The following CYTH4 variants were observed in gnomAD, a reference collection of about 807,000 sequenced individuals.
CYTH4 encodes cytohesin 4.
In CYTH4, 22 loss-of-function variants were observed where a neutral mutation model predicts 57.5. That is an observed-to-expected ratio of 0.38 (90% CI 0.27 to 0.55). The LOEUF (loss-of-function observed/expected upper bound fraction) is 0.55, where lower values mean the gene tolerates loss of function less well. Among genes scored for constraint, CYTH4 ranks in the 20% least tolerant of loss-of-function variants. The probability of loss-of-function intolerance (pLI) is 0.74; values close to 1 mark genes in which losing one functional copy is unlikely to be tolerated. For missense variants in CYTH4, 420 were observed against 535.6 expected, an observed-to-expected ratio of 0.78 and a Z score of 2.13; for synonymous variants, 186 against 206.5, an observed-to-expected ratio of 0.90 and a Z score of 0.85.
chr22:37,288,260 A>C (rs1205054201), intron 1 of CYTH4, among the ~76,000 whole-genome samples: 3 of 152,020 alleles, frequency 2.0e-5, no homozygotes, highest in Non-Finnish European at 4.4e-5. Context: ...AAAAATACAG[A>C]GATTGGCTGG....
At chr22:37,303,189 AG>A in intron 7 of CYTH4, 64 bp from the exon 8 acceptor site, 1 of 1,587,222 alleles carries the variant, frequency 6.3e-7, no homozygotes. Context: ...GGGCCCTGGA[AG>A]GGGCCGGGAC....
At chr22:37,286,687 G>A (rs1256522013) in intron 1 of CYTH4, among the ~76,000 whole-genome samples, 1 of 152,156 alleles carries the variant, frequency 6.6e-6, no homozygotes, top group Non-Finnish European at 1.5e-5. Flanking sequence ...GTGGTGCAAA[G>A]GCTTTTGGAA....
At chr22:37,313,312 C>G in intron 12 of CYTH4, 127 bp from the exon 13 acceptor site, 2 of 904,374 alleles carry the variant, frequency 2.2e-6, no homozygotes, top group Non-Finnish European at 3.5e-6. Context: ...GGCCATCTGG[C>G]CTTTCCCCCG....
intron 1 of CYTH4, among the ~76,000 whole-genome samples, chr22:37,285,621 G>T (rs1427618147): frequency 6.6e-6 from 1 of 152,050 alleles, no homozygotes; most frequent in African/African-American, 2.4e-5. Context: ...TGAGGCAGGA[G>T]AATCACTTGA....
intron 1 of CYTH4, among the ~76,000 whole-genome samples, chr22:37,285,270 T>A (rs2145852239): frequency 6.6e-6 from 1 of 152,102 alleles, no homozygotes; most frequent in Admixed American, 6.5e-5. Flanking sequence ...AGCACCAGCC[T>A]GTGGGCTTGG....
chr22:37,308,834 A>G (rs144076579), intron 8 of CYTH4, among the ~76,000 whole-genome samples: 12 of 151,726 alleles, frequency 7.9e-5, no homozygotes, highest in East Asian at 3.9e-4. Flanking sequence ...ATGCATTTAT[A>G]TAAGTGTGCC....
At chr22:37,310,797 T>C (rs1376206356) in intron 9 of CYTH4, among the ~76,000 whole-genome samples, 191 bp from the exon 10 acceptor site, 1 of 152,054 alleles carries the variant, frequency 6.6e-6, no homozygotes, top group Admixed American at 6.5e-5. Flanking sequence ...CAGGGAAGCC[T>C]GGGGATTACA....
chr22:37,296,146 G>A (rs1390930672), intron 4 of CYTH4, 81 bp downstream of exon 4: 32 of 1,384,008 alleles, frequency 2.3e-5, no homozygotes, highest in African/African-American at 4.3e-5. Context: ...CGCTCCCCTC[G>A]GCTGACACGA....
At chr22:37,309,358 C>T (rs1470087078) in intron 9 of CYTH4, 35 bp downstream of exon 9, 3 of 1,579,368 alleles carry the variant, frequency 1.9e-6, no homozygotes, top group Non-Finnish European at 2.6e-6. Flanking sequence ...GTCGCACACA[C>T]ACTCATGCAC....
At chr22:37,312,314 C>A (rs1039279723) in intron 12 of CYTH4, 140 bp downstream of exon 12, 59 of 1,227,888 alleles carry the variant, frequency 4.8e-5, no homozygotes, top group Admixed American at 9.8e-5. Context: ...CCCTTCCACC[C>A]GTATTCCATG....
intron 1 of CYTH4, among the ~76,000 whole-genome samples, chr22:37,289,686 T>C (rs1223816883): frequency 1.3e-5 from 2 of 152,212 alleles, no homozygotes; most frequent in Non-Finnish European, 2.9e-5. Flanking sequence ...AGGGTTACTA[T>C]TGGGCTCGCT....
chr22:37,304,304 A>G (rs960138425), intron 8 of CYTH4: 9 of 456,318 alleles, frequency 2.0e-5, no homozygotes, highest in Middle Eastern at 3.3e-4. Flanking sequence ...ATATATGCAC[A>G]GTAGTGGGTG....
chr22:37,304,207 A>G (rs1197279428), intron 8 of CYTH4: 7 of 456,608 alleles, frequency 1.5e-5, no homozygotes, highest in Admixed American at 2.3e-5. Flanking sequence ...GAAGCCGGGA[A>G]AGGACATTTC....
chr22:37,294,834 C>A, intron 3 of CYTH4, 110 bp downstream of exon 3: 1 of 1,327,102 alleles, frequency 7.5e-7, no homozygotes, highest in Non-Finnish European at 1.1e-6. Flanking sequence ...CTGGTGAAAT[C>A]AGGGATTGGC....
At chr22:37,304,985 T>C (rs1437590156) in intron 8 of CYTH4, among the ~76,000 whole-genome samples, 1 of 152,156 alleles carries the variant, frequency 6.6e-6, no homozygotes, top group Non-Finnish European at 1.5e-5. Context: ...TAAAAATAAT[T>C]AATAATGAAA....
At chr22:37,302,063 T>G (rs991590519) in intron 7 of CYTH4, 2 of 169,092 alleles carry the variant, frequency 1.2e-5, no homozygotes, top group Non-Finnish European at 1.5e-5. Context: ...CCCTCACGCA[T>G]GGAATATAGC....
intron 2 of CYTH4, 140 bp downstream of exon 2, chr22:37,292,843 A>G: frequency 1.4e-6 from 1 of 734,832 alleles, no homozygotes; most frequent in Non-Finnish European, 2.2e-6. Context: ...CCCCAGCCCC[A>G]GGAGCAGGGA....
intron 4 of CYTH4, among the ~76,000 whole-genome samples, chr22:37,296,872 G>A (rs538958557): frequency 3.3e-5 from 5 of 152,178 alleles, no homozygotes; most frequent in Admixed American, 6.5e-5. Context: ...CCAACTTCCA[G>A]CAGTGGAACA....
At position 37,287,110 on chromosome 22, in the gene CYTH4, T is replaced by C. The variant is rs995657876; in HGVS notation, c.19+4522T>C. ...AGGAGGGGGCATTCTAGAAGTTCAA[T>C]TTTGGGCACAATGACAAGAGCGGTG... On this transcript the variant is annotated intron_variant, in intron 1 of 12. Transcript: ENST00000248901. Among the ~76,000 whole-genome samples, 6 of 152,192 alleles carry C rather than the reference T, an allele frequency of 3.9e-5. No homozygotes were observed. The East Asian group carries it at 9.7e-4, about 25-fold the overall frequency.
Sources: allele counts gnomAD v4.1 joint callset (sites outside exome capture counted in the v4.1 genomes callset), GRCh38; gene constraint gnomAD v4.1.1; transcripts MANE v1.5; gene names NCBI Gene and HGNC (gene_info 2026-07-23, HGNC 2026-07-21).